PPM1L: variants seen among roughly 807,000 people sequenced by gnomAD.
PPM1L encodes the protein protein phosphatase 1L.
In PPM1L, 13 loss-of-function variants were observed where a neutral mutation model predicts 31.4. The observed-to-expected ratio is 0.41, with a 90% confidence interval of 0.27 to 0.66. The LOEUF is 0.66. Among genes scored for constraint, PPM1L ranks in the 30% least tolerant of loss-of-function variants. The pLI, the probability that PPM1L is intolerant of heterozygous loss-of-function variation, is 0.29. For missense variants in PPM1L, 326 were observed against 453.7 expected, an observed-to-expected ratio of 0.72 and a Z score of 2.56; for synonymous variants, 184 against 175.4, an observed-to-expected ratio of 1.05 and a Z score of -0.39.
intron 2 of PPM1L, among the ~76,000 whole-genome samples, chr3:161,009,759 T>TA (rs1394010638): frequency 6.6e-6 from 1 of 152,250 alleles, no homozygotes; most frequent in South Asian, 2.1e-4. Flanking sequence ...TAGGAAGTGA[T>TA]AAAAGCAAAG....
chr3:160,920,615 T>TCTCTCACACACACA (rs1389629070), intron 1 of PPM1L, among the ~76,000 whole-genome samples: 1 of 28,662 alleles, frequency 3.5e-5, no homozygotes, highest in African/African-American at 1.0e-4. Flanking sequence ...TCTCTCTCTC[T>TCTCTCACACACACA]CACACACACA....
At position 160,963,929 on chromosome 3, in the gene PPM1L, G is replaced by T. The variant is rs368190556; in HGVS notation, c.574+2019G>T. Among the ~76,000 whole-genome samples, 3 of 151,978 alleles carry T rather than the reference G, an allele frequency of 2.0e-5. No individual in the cohort carries two copies. The East Asian group carries it at 5.8e-4, about 29-fold the overall frequency. On this transcript the variant is annotated intron_variant, in intron 2 of 3. Transcript: ENST00000498165. ...AAGATTGAGAGTTAGAGGATCTAAG[G>T]TCTAGGCCTTCCACCAGGTTAATAC...
intron 1 of PPM1L, chr3:160,842,176 T>A (rs1713902067): frequency 2.9e-6 from 2 of 688,272 alleles, no homozygotes; most frequent in African/African-American, 3.5e-5. Flanking sequence ...TGGGGAGGAC[T>A]CATGCAGGAG....
At chr3:160,943,141 T>A (rs1020382443) in intron 1 of PPM1L, among the ~76,000 whole-genome samples, 1 of 152,170 alleles carries the variant, frequency 6.6e-6, no homozygotes, top group African/African-American at 2.4e-5. Flanking sequence ...TATCTGCCAA[T>A]GGAGGAGAAC....
intron 1 of PPM1L, among the ~76,000 whole-genome samples, chr3:160,803,463 C>T (rs1379235305): frequency 3.4e-5 from 4 of 117,282 alleles, no homozygotes; most frequent in Admixed American, 3.3e-4. Context: ...GAAAAGTGTT[C>T]ATACTAATAT....
intron 2 of PPM1L, among the ~76,000 whole-genome samples, chr3:161,029,779 T>G (rs1410572128): frequency 6.6e-6 from 1 of 152,156 alleles, no homozygotes; most frequent in Non-Finnish European, 1.5e-5. Flanking sequence ...CTCCTTTCCT[T>G]GCTATTCTAC....
intron 1 of PPM1L, among the ~76,000 whole-genome samples, chr3:160,789,434 T>G (rs1308135203): frequency 6.6e-6 from 1 of 151,956 alleles, no homozygotes; most frequent in African/African-American, 2.4e-5. Context: ...TATTATTTCT[T>G]TCTTCTAATT....
At chr3:160,879,994 A>C (rs984774073) in intron 1 of PPM1L, among the ~76,000 whole-genome samples, 1 of 152,084 alleles carries the variant, frequency 6.6e-6, no homozygotes, top group African/African-American at 2.4e-5. Flanking sequence ...TCTGGCCCTC[A>C]TTTTATGACA....
At chr3:160,838,680 A>G (rs530812328) in intron 1 of PPM1L, among the ~76,000 whole-genome samples, 1 of 152,214 alleles carries the variant, frequency 6.6e-6, no homozygotes, top group Non-Finnish European at 1.5e-5. Flanking sequence ...AGAAGTGACC[A>G]TTCAAATTAC....
At chr3:161,009,400 A>T (rs544877723) in intron 2 of PPM1L, among the ~76,000 whole-genome samples, 28 of 152,326 alleles carry the variant, frequency 1.8e-4, no homozygotes, top group South Asian at 2.1e-4. Flanking sequence ...GAAGTTTTTT[A>T]AAAAATATGT....
intron 1 of PPM1L, among the ~76,000 whole-genome samples, chr3:160,767,894 T>C (rs1715146491): frequency 6.6e-6 from 1 of 152,218 alleles, no homozygotes; most frequent in Non-Finnish European, 1.5e-5. Context: ...CTTTCATTTA[T>C]CGTTTTAATT....
chr3:160,910,219 CCCCTTT>C lies in PPM1L; in HGVS notation c.400-51514_400-51509del, dbSNP rs1213429206. Among the ~76,000 whole-genome samples, 162 of 108,500 alleles carry C rather than the reference CCCCTTT, an allele frequency of 1.5e-3. 1 individual carries two copies. The highest frequency in any genetic ancestry group is 5.4e-3 in the African/African-American group (150 of 27,980). 71.2% of individuals were successfully genotyped at this position (108,500 alleles called of 152,430 possible). ...TCCCCTTCCCTGTCCCTTTCCCCTT[CCCCTTT>C]CCTTTCCCCTTCCCCTTTCCTTTCC... On this transcript the variant is annotated intron_variant, in intron 1 of 3. Transcript: ENST00000498165.
intron 1 of PPM1L, among the ~76,000 whole-genome samples, chr3:160,927,457 T>C (rs905963606): frequency 1.1e-4 from 17 of 152,190 alleles, no homozygotes; most frequent in Non-Finnish European, 2.5e-4. Flanking sequence ...TTTTTCTTCC[T>C]TTACTTTATA....
chr3:160,965,871 A>G (rs1192143269), intron 2 of PPM1L, among the ~76,000 whole-genome samples: 2 of 152,100 alleles, frequency 1.3e-5, no homozygotes, highest in Non-Finnish European at 2.9e-5. Context: ...GAGTGACTTA[A>G]TGACAATTAC....
intron 2 of PPM1L, among the ~76,000 whole-genome samples, chr3:160,985,241 G>C (rs1716927820): frequency 6.6e-6 from 1 of 152,042 alleles, no homozygotes; most frequent in South Asian, 2.1e-4. Context: ...CCGAGATTTT[G>C]GTGTACCCAT....
At chr3:160,907,285 A>T (rs779339896) in intron 1 of PPM1L, among the ~76,000 whole-genome samples, 1 of 152,184 alleles carries the variant, frequency 6.6e-6, no homozygotes, top group Non-Finnish European at 1.5e-5. Flanking sequence ...TGAGAAATAA[A>T]TAGTTTAGGA....
intron 1 of PPM1L, among the ~76,000 whole-genome samples, chr3:160,819,179 C>T (rs1174413790): frequency 1.3e-5 from 2 of 151,918 alleles, no homozygotes; most frequent in African/African-American, 4.8e-5. Flanking sequence ...AGACAGGTCA[C>T]TTGATTTCAC....
At chr3:161,032,714 T>G (rs1478458745) in intron 2 of PPM1L, among the ~76,000 whole-genome samples, 4 of 148,492 alleles carry the variant, frequency 2.7e-5, no homozygotes, top group Non-Finnish European at 4.5e-5. Context: ...TTTTGAGAGA[T>G]AAGAGTCTTA....
At chr3:160,833,914 A>G (rs1161304719) in intron 1 of PPM1L, among the ~76,000 whole-genome samples, 3 of 151,496 alleles carry the variant, frequency 2.0e-5, no homozygotes, top group Admixed American at 1.3e-4. Flanking sequence ...TGGGATTTAT[A>G]CTTAAGTCTT....
Sources: allele counts gnomAD v4.1 joint callset (sites outside exome capture counted in the v4.1 genomes callset), GRCh38; gene constraint gnomAD v4.1.1; transcripts MANE v1.5; gene names NCBI Gene and HGNC (gene_info 2026-07-23, HGNC 2026-07-21).